Variants in FRAS1 observed in about 807,000 individuals in gnomAD.
FRAS1 encodes extracellular matrix organizing protein FRAS1.
FRAS1 carries 290 observed loss-of-function variants against 435.2 expected under a neutral mutation model. That is an observed-to-expected ratio of 0.67 (90% confidence interval 0.61 to 0.73). The LOEUF is 0.73. Among genes scored for constraint, FRAS1 ranks in the 30% least tolerant of loss-of-function variants. The probability of loss-of-function intolerance (pLI) is 0.00; values close to 1 mark genes in which losing one functional copy is unlikely to be tolerated. For synonymous variants in FRAS1, 1,800 were observed against 1,851.0 expected (o/e 0.97, Z 0.71); for missense variants, 4,860 against 5,001.5 (o/e 0.97, Z 0.85).
chr4:78,122,686 G>A (rs988581567), intron 2 of FRAS1, among the ~76,000 whole-genome samples: 2 of 152,076 alleles, frequency 1.3e-5, no homozygotes, highest in African/African-American at 2.4e-5. Context: ...GTGTGAGATG[G>A]TATCTCATTG....
Position 78,477,967 on chromosome 4 carries a change from C to T in FRAS1, c.8004C>T (p.Asn2668=), listed in dbSNP as rs886059635. 33 of 1,612,938 alleles carry T rather than the reference C, an allele frequency of 2.0e-5. No homozygotes were observed. In the African/African-American group the frequency reaches 2.1e-4, roughly 10 times the overall value. ...GEFTQAKVII[N]DTEDEPTLEF... Reference sequence around the variant, plus strand: ...TCACCCAGGCGAAGGTCATTATCAACGATACCGAGGATGAACCCACATTAG... The same window carrying T: ...TCACCCAGGCGAAGGTCATTATCAATGATACCGAGGATGAACCCACATTAG... The change falls in exon 55 of 74, where the codon AAC becomes AAT. Residue 2668 remains asparagine (N), a synonymous_variant. Coordinates refer to ENST00000512123, the MANE Select transcript of FRAS1 (RefSeq NM_025074.7).
At chr4:78,438,104 AT>A (rs1013801512) in intron 38 of FRAS1, among the ~76,000 whole-genome samples, 5 of 152,132 alleles carry the variant, frequency 3.3e-5, no homozygotes, top group African/African-American at 9.7e-5. Flanking sequence ...GTTTCATGGA[AT>A]TTTATTATCG....
At chr4:78,265,358 T>A (rs558238485) in intron 7 of FRAS1, among the ~76,000 whole-genome samples, 1 of 152,358 alleles carries the variant, frequency 6.6e-6, no homozygotes, top group Non-Finnish European at 1.5e-5. Context: ...GTGAACTTAC[T>A]GTTCACATGT....
intron 2 of FRAS1, among the ~76,000 whole-genome samples, chr4:78,118,030 G>A (rs1718756243): frequency 6.6e-6 from 1 of 152,228 alleles, no homozygotes. Context: ...CTTTCTGTTT[G>A]TTAGTTTTCC....
chr4:78,245,747 G>A (rs1010410358), intron 4 of FRAS1, among the ~76,000 whole-genome samples: 2 of 152,086 alleles, frequency 1.3e-5, no homozygotes, highest in African/African-American at 2.4e-5. Flanking sequence ...CTAATAAATG[G>A]TATAACCTGG....
intron 26 of FRAS1, 100 bp from the exon 27 acceptor site, chr4:78,379,626 T>G: frequency 9.0e-7 from 1 of 1,115,164 alleles, no homozygotes; most frequent in Non-Finnish European, 1.3e-6. Context: ...TCTCTGGAAA[T>G]TGTAAGGAGG....
At chr4:78,517,498 A>G (rs1344193958) in intron 66 of FRAS1, among the ~76,000 whole-genome samples, 1 of 152,270 alleles carries the variant, frequency 6.6e-6, no homozygotes, top group Non-Finnish European at 1.5e-5. Context: ...CAGAAAAAAC[A>G]TGCACAGAAG....
At position 78,516,032 on chromosome 4, in the gene FRAS1, G is replaced by A. The variant is rs1315422974; in HGVS notation, c.10389+19G>A. ...CTTCCAGGTAGGTGCCCCGGGGCTT[G>A]TCTGAGGACTCTGCATATGGGTGCC... On this transcript the variant is annotated intron_variant, in intron 66 of 73. Transcript: ENST00000512123. The A allele has an allele frequency of 6.3e-7, 1 of 1,593,814 alleles. No individual in the cohort carries two copies. The highest frequency in any genetic ancestry group is 1.3e-5 in the African/African-American group (1 of 74,584).
chr4:78,395,468 A>G (rs28826318), intron 29 of FRAS1, among the ~76,000 whole-genome samples: 21,300 of 151,936 alleles, frequency 0.14, 1,880 homozygotes, highest in African/African-American at 0.25. Context: ...ATTGAAGTCC[A>G]CTACCATTAT....
intron 6 of FRAS1, among the ~76,000 whole-genome samples, chr4:78,264,036 T>A (rs982368979): frequency 1.3e-5 from 2 of 152,166 alleles, no homozygotes; most frequent in African/African-American, 4.8e-5. Flanking sequence ...CTACTCCTCA[T>A]AAGAGAAAGT....
Position 78,337,836 on chromosome 4 carries a change from G to T in FRAS1, c.2422+19G>T, listed in dbSNP as rs1218174315. ...TGTGCTGGTGAGTGAAACTCCTGTG[G>T]ACTCCTCGGAAATCACTGGGCAGCT... is the stretch of plus-strand genomic sequence containing the variant. On this transcript the variant is annotated intron_variant, in intron 20 of 73. Transcript: ENST00000512123. 1 of 1,613,560 alleles carries T rather than the reference G, an allele frequency of 6.2e-7. No individual in the cohort carries two copies. The highest frequency in any genetic ancestry group is 1.3e-5 in the African/African-American group (1 of 74,912).
intron 63 of FRAS1, among the ~76,000 whole-genome samples, chr4:78,509,582 T>C (rs889592915): frequency 7.2e-5 from 11 of 152,200 alleles, no homozygotes; most frequent in African/African-American, 2.4e-4. Context: ...GATCAGCACG[T>C]TACAAAGCTC....
intron 9 of FRAS1, among the ~76,000 whole-genome samples, chr4:78,272,986 C>A (rs556552028): frequency 1.3e-5 from 2 of 152,248 alleles, no homozygotes; most frequent in Non-Finnish European, 2.9e-5. Flanking sequence ...TCTTTTATTT[C>A]ATCGATCAGT....
chr4:78,415,618 C>T (rs761465723), intron 32 of FRAS1, among the ~76,000 whole-genome samples: 3 of 152,062 alleles, frequency 2.0e-5, no homozygotes, highest in East Asian at 1.9e-4. Context: ...TGGGAGAACA[C>T]GACATATTTG....
chr4:78,297,958 G>T (rs1728213359), intron 14 of FRAS1, among the ~76,000 whole-genome samples: 1 of 150,076 alleles, frequency 6.7e-6, no homozygotes, highest in Non-Finnish European at 1.5e-5. Flanking sequence ...TGCCACTCAA[G>T]GGAAAATGGG....
chr4:78,064,571 G>A (rs1578100243), intron 1 of FRAS1, among the ~76,000 whole-genome samples: 1 of 150,942 alleles, frequency 6.6e-6, no homozygotes, highest in East Asian at 1.9e-4. Flanking sequence ...CATATTCTGG[G>A]TGAATTATAT....
chr4:78,365,015 A>G (rs908074630), intron 22 of FRAS1, among the ~76,000 whole-genome samples: 20 of 152,168 alleles, frequency 1.3e-4, no homozygotes, highest in African/African-American at 4.8e-4. Flanking sequence ...TAATAACAAT[A>G]CCTACATTCT....
chr4:78,096,367 C>T (rs539802942), intron 2 of FRAS1, among the ~76,000 whole-genome samples: 14 of 152,270 alleles, frequency 9.2e-5, no homozygotes, highest in East Asian at 5.8e-4. Context: ...TCTACCATTC[C>T]GGGGTCTGGA....
chr4:78,363,655 A>G lies in FRAS1; in HGVS notation c.2565A>G (p.Gly855=), dbSNP rs1387901914. 1 of 1,587,660 alleles carries G rather than the reference A, an allele frequency of 6.3e-7. No homozygotes were observed. The highest frequency in any genetic ancestry group is 1.8e-5 in the Admixed American group (1 of 55,716). Residue 855 remains glycine, a synonymous_variant, in exon 21 of 74, where the codon GGA becomes GGG. Coordinates refer to ENST00000512123, the MANE Select transcript of FRAS1 (RefSeq NM_025074.7). ...CTTCAGGATACTATGCAGAGAGAGG[A>G]GCTTGTAAAAGTGAGTAAGTGCTGG... is the stretch of plus-strand genomic sequence containing the variant. ...DCPSGYYAER[G]ACKKCHSSCR... is the part of the protein sequence containing the mutation.
Sources: allele counts gnomAD v4.1 joint callset (sites outside exome capture counted in the v4.1 genomes callset), GRCh38; gene constraint gnomAD v4.1.1; transcripts MANE v1.5; gene names NCBI Gene and HGNC (gene_info 2026-07-23, HGNC 2026-07-21).